GGCX: variants seen among roughly 807,000 people sequenced by gnomAD.
GGCX encodes gamma-glutamyl carboxylase.
Under a neutral mutation model 88.5 loss-of-function variants are expected in GGCX, and 63 were observed. That is an observed-to-expected ratio of 0.71 (90% CI 0.58 to 0.88). The LOEUF (loss-of-function observed/expected upper bound fraction) is 0.88, where lower values mean the gene tolerates loss of function less well. GGCX is among the 40% of genes least tolerant of loss of function. GGCX has a pLI of 0.00. For synonymous variants in GGCX, 368 were observed against 365.8 expected (o/e 1.01, Z -0.07); for missense variants, 805 against 932.9 (o/e 0.86, Z 1.79).
chr2:85,557,742 A>G (rs1246792789), intron 4 of GGCX, among the ~76,000 whole-genome samples: 6 of 152,224 alleles, frequency 3.9e-5, no homozygotes, highest in Admixed American at 3.3e-4. Flanking sequence ...CCCCATCTCT[A>G]TTTAAAAATA....
rs1204636041 is a variant in GGCX at position 85,545,812 on chromosome 2, A to C, written c.*4122T>G. On this transcript the variant is annotated 3_prime_UTR_variant, in exon 15 of 15. Coordinates refer to ENST00000233838, the MANE Select transcript of GGCX (RefSeq NM_000821.7). Reference sequence around the variant, plus strand: ...GCATACATTTTTAAATTATGAGCTTAGTTTTAAGGGTTGTATGATGTTTTC... The same window carrying C: ...GCATACATTTTTAAATTATGAGCTTCGTTTTAAGGGTTGTATGATGTTTTC... 6.6e-6 allele frequency: 1 copy of C among 152,216 alleles called. No homozygotes were observed. The highest frequency in any genetic ancestry group is 2.4e-5 in the African/African-American group (1 of 41,436). The allele number at this position is 152,216 out of a possible 1,614,324, so 9.4% of individuals were successfully genotyped here. A position where few individuals can be genotyped will look rare whatever the true frequency, so the allele number is the denominator to read the frequency against.
chr2:85,548,531 G>A lies in GGCX; in HGVS notation c.*1403C>T, dbSNP rs1256249224. On this transcript the variant is annotated 3_prime_UTR_variant, in exon 15 of 15. Coordinates refer to ENST00000233838, the MANE Select transcript of GGCX (RefSeq NM_000821.7). ...AAGTATGTATACTGAAAAAGCAGTT[G>A]CTTAGGAAAGAACCCCCGGAACACT... 6.6e-6 allele frequency: 1 copy of A among 152,172 alleles called. No individual in the cohort carries two copies. The highest frequency in any genetic ancestry group is 1.5e-5 in the Non-Finnish European group (1 of 68,050). The allele number at this position is 152,172 out of a possible 1,614,324, so 9.4% of individuals were successfully genotyped here. A position where few individuals can be genotyped will look rare whatever the true frequency, so the allele number is the denominator to read the frequency against.
chr2:85,552,204 A>G (rs1250198310), intron 10 of GGCX, among the ~76,000 whole-genome samples: 1 of 152,232 alleles, frequency 6.6e-6, no homozygotes, highest in Non-Finnish European at 1.5e-5. Flanking sequence ...TTATGTCAAC[A>G]GTGTCTAAAA....
At chr2:85,554,616 C>A in intron 6 of GGCX, 1 of 426,530 alleles carries the variant, frequency 2.3e-6, no homozygotes, top group Non-Finnish European at 4.4e-6. Flanking sequence ...CAGGCACGTG[C>A]CACCACGCCT....
At chr2:85,561,279 A>T (rs866626999) in intron 1 of GGCX, 107 bp downstream of exon 1, 2 of 432,334 alleles carry the variant, frequency 4.6e-6, no homozygotes, top group Non-Finnish European at 4.2e-6. Context: ...CCCACAGAGG[A>T]CCCCCCCCCC....
rs373315435 is a variant in GGCX at position 85,550,037 on chromosome 2, A to C, written c.2174T>G (p.Leu725Trp). ...TTCTCCAACTGCCTCAAAGGGTCTC[A>C]AGTTTGCATAAGTCACCTCCTGGGC... ...QLAQEVTYANLRPFEAVGELN... is the reference protein window; with the variant it reads ...QLAQEVTYANWRPFEAVGELN... Residue 725 changes from leucine to tryptophan, a missense_variant, in exon 15 of 15, where the codon TTG becomes TGG. Leu to Trp is a moderately conservative substitution (Grantham distance 61). Coordinates refer to ENST00000233838, the MANE Select transcript of GGCX (RefSeq NM_000821.7). The C allele has an allele frequency of 1.1e-5, 18 of 1,612,158 alleles. No homozygotes were observed. In the African/African-American group the frequency reaches 2.4e-4, roughly 22 times the overall value.
rs528321848 is a variant in GGCX, at chr2:85,558,195, TA to T, written c.539+244del. On this transcript the variant is annotated intron_variant, in intron 4 of 14. Coordinates refer to ENST00000233838, the MANE Select transcript of GGCX (RefSeq NM_000821.7). ...CTCTAAGAGGGTTACAAGAGGTGAA[TA>T]AATCAAGGCACCTGGGGAGATAGGG... Among the ~76,000 whole-genome samples, 8 of 152,314 alleles carry T rather than the reference TA, an allele frequency of 5.3e-5. No individual in the cohort carries two copies. The East Asian group carries it at 1.5e-3, about 29-fold the overall frequency.
At chr2:85,561,281 C>A (rs1157424167) in intron 1 of GGCX, 105 bp downstream of exon 1, 6 of 383,788 alleles carry the variant, frequency 1.6e-5, no homozygotes, top group Middle Eastern at 6.7e-4. Context: ...CACAGAGGAC[C>A]CCCCCCCCGC....
chr2:85,554,726 C>T, intron 6 of GGCX: 1 of 273,270 alleles, frequency 3.7e-6, no homozygotes, highest in Non-Finnish European at 7.2e-6. Context: ...CCCCAGCATC[C>T]CAAAGTGCCG....
At position 85,548,631 on chromosome 2, in the gene GGCX, GACTGCCAATTT is replaced by G. The variant is rs1341439992; in HGVS notation, c.*1292_*1302del. Reference sequence around the variant, plus strand: ...TGCAATCATTTACAGAAGTTACTGAGACTGCCAATTTACTACCGGTCTCTGCTACAAGTCCA... The same window carrying G: ...TGCAATCATTTACAGAAGTTACTGAGACTACCGGTCTCTGCTACAAGTCCA... On this transcript the variant is annotated 3_prime_UTR_variant, in exon 15 of 15. Coordinates refer to ENST00000233838, the MANE Select transcript of GGCX (RefSeq NM_000821.7). 1 of 152,190 alleles carries G rather than the reference GACTGCCAATTT, an allele frequency of 6.6e-6. No homozygotes were observed. The highest frequency in any genetic ancestry group is 1.5e-5 in the Non-Finnish European group (1 of 68,042). 9.4% of individuals were successfully genotyped at this position (152,190 alleles called of 1,614,324 possible).
chr2:85,552,651 C>G (rs1380729231), intron 9 of GGCX, 84 bp from the exon 10 acceptor site: 2 of 1,320,658 alleles, frequency 1.5e-6, no homozygotes, highest in Non-Finnish European at 2.2e-6. Context: ...ACAACGAGAT[C>G]CCTGCCTGCT....
At position 85,558,496 on chromosome 2, in the gene GGCX, G is replaced by T. The variant is rs548653966; in HGVS notation, c.483C>A (p.Ser161=). The change falls in exon 4 of 15, where the codon TCC becomes TCA. Residue 161 remains serine, a synonymous_variant. Transcript: ENST00000233838. ...LLDKTSWNNH[S]YLYGLLAFQL... is the part of the protein sequence containing the mutation. ...GAAAGGCCAACAACCCATACAGATAGGAGTGGTTGTTCCATGATGTCTTGT... is the reference window on the plus strand; with the variant it reads ...GAAAGGCCAACAACCCATACAGATATGAGTGGTTGTTCCATGATGTCTTGT... 6.2e-7 allele frequency: 1 copy of T among 1,613,808 alleles called. No individual in the cohort carries two copies. The highest frequency in any genetic ancestry group is 8.5e-7 in the Non-Finnish European group (1 of 1,179,716).
intron 4 of GGCX, 27 bp from the exon 5 acceptor site, chr2:85,556,287 G>C (rs905853952): frequency 2.1e-6 from 3 of 1,433,448 alleles, no homozygotes; most frequent in African/African-American, 1.4e-5. Flanking sequence ...AAACATTGAG[G>C]GGGGAGCTGC....
intron 7 of GGCX, 37 bp from the exon 8 acceptor site, chr2:85,553,534 T>C: frequency 6.2e-7 from 1 of 1,609,592 alleles, no homozygotes; most frequent in Non-Finnish European, 8.5e-7. Flanking sequence ...TTTCAGGAGT[T>C]TGGCTGGGCC....
chr2:85,560,952 G>A lies in GGCX; in HGVS notation c.77C>T (p.Ser26Leu). The A allele has an allele frequency of 6.2e-7, 1 of 1,613,954 alleles. No individual in the cohort carries two copies. Among genetic ancestry groups the A allele is most frequent in the Non-Finnish European group, 8.5e-7 (1 of 1,179,818 alleles). Residue 26 changes from serine (S) to leucine (L), a missense_variant, in exon 2 of 15, where the codon TCA (serine) becomes TTA (leucine). Coordinates refer to ENST00000233838, the MANE Select transcript of GGCX (RefSeq NM_000821.7). The stretch of plus-strand genomic sequence containing the variant: ...TATTCGGCTGTCCTGCCTGGGCCCT[G>A]AGATCAGTTCAGCCTTGTCTTTCTG... ...KVQKDKAELI[S>L]GPRQDSRIGK...
At chr2:85,561,132 C>T (rs1348655958) in intron 1 of GGCX, 147 bp from the exon 2 acceptor site, 2 of 753,628 alleles carry the variant, frequency 2.7e-6, no homozygotes, top group African/African-American at 3.4e-5. Flanking sequence ...GGAAACATCC[C>T]TGCAGTGCAG....
Position 85,548,047 on chromosome 2 carries a change from A to T in GGCX, c.*1887T>A, listed in dbSNP as rs1691761171. Reference sequence around the variant, plus strand: ...CCATGTCTCTACTAAAAATACAAAAATTAGTTGGGCGTGGTGGTGGGCACC... The same window carrying T: ...CCATGTCTCTACTAAAAATACAAAATTTAGTTGGGCGTGGTGGTGGGCACC... On this transcript the variant is annotated 3_prime_UTR_variant, in exon 15 of 15. Coordinates refer to ENST00000233838, the MANE Select transcript of GGCX (RefSeq NM_000821.7). 1 of 152,140 alleles carries T rather than the reference A, an allele frequency of 6.6e-6. No individual in the cohort carries two copies. The highest frequency in any genetic ancestry group is 2.1e-4 in the South Asian group (1 of 4,814). The allele number at this position is 152,140 out of a possible 1,614,324, so 9.4% of individuals were successfully genotyped here. A position where few individuals can be genotyped will look rare whatever the true frequency, so the allele number is the denominator to read the frequency against.
In GGCX at chr2:85,551,467, C is replaced by T. The variant is rs1378758716; in HGVS notation, c.1740+13G>A. On this transcript the variant is annotated intron_variant, in intron 12 of 14. Coordinates refer to ENST00000233838, the MANE Select transcript of GGCX (RefSeq NM_000821.7). Reference sequence around the variant, plus strand: ...CTCAGTTCTTTCTGCTGTTGTTAATCCCAGCAAAATACCTGCATTTTTTCT... The same window carrying T: ...CTCAGTTCTTTCTGCTGTTGTTAATTCCAGCAAAATACCTGCATTTTTTCT... 6.2e-7 allele frequency: 1 copy of T among 1,613,538 alleles called. No homozygotes were observed. Among genetic ancestry groups the T allele is most frequent in the Non-Finnish European group, 8.5e-7 (1 of 1,179,514 alleles).
In GGCX at chr2:85,560,965, C is replaced by T. The variant is rs753256806; in HGVS notation, c.64G>A (p.Ala22Thr). The change falls in exon 2 of 15, where the codon GCT becomes ACT. Residue 22 changes from alanine to threonine, a missense_variant. By Grantham distance (58) the Ala-to-Thr change is moderately conservative. This residue lies in a region of GGCX where 64 missense variants were observed against 57.4 expected (regional missense o/e 1.12). Coordinates refer to ENST00000233838, the MANE Select transcript of GGCX (RefSeq NM_000821.7). Reference protein sequence around the residue: ...PSSDKVQKDKAELISGPRQDS... With the variant: ...PSSDKVQKDKTELISGPRQDS... ...TGCCTGGGCCCTGAGATCAGTTCAG[C>T]CTTGTCTTTCTGTACTTTATCTGCA... is the stretch of plus-strand genomic sequence containing the variant. 5 of 1,613,738 alleles carry T rather than the reference C, an allele frequency of 3.1e-6. No homozygotes were observed. The highest frequency in any genetic ancestry group is 4.2e-6 in the Non-Finnish European group (5 of 1,179,742).
Sources: allele counts gnomAD v4.1 joint callset (sites outside exome capture counted in the v4.1 genomes callset), GRCh38; gene constraint gnomAD v4.1.1; regional missense constraint gnomAD v4.1.1; transcripts MANE v1.5; gene names NCBI Gene and HGNC (gene_info 2026-07-23, HGNC 2026-07-21).